Variants in SEC63 observed in about 807,000 individuals in gnomAD.
The protein encoded by SEC63 is translocation protein SEC63 homolog.
In SEC63, 56 loss-of-function variants were observed where a neutral mutation model predicts 116.2. The observed-to-expected ratio is 0.48, with a 90% CI of 0.39 to 0.60. SEC63 has a LOEUF of 0.60. Ranked by LOEUF, SEC63 falls within the 20% of genes least tolerant of loss-of-function variation. The pLI, the probability that SEC63 is intolerant of heterozygous loss-of-function variation, is 0.00. For synonymous variants in SEC63, 273 were observed against 294.6 expected (o/e 0.93, Z 0.75); for missense variants, 668 against 900.0 (o/e 0.74, Z 3.30).
At chr6:107,911,274 G>T in intron 7 of SEC63, 72 bp downstream of exon 7, 1 of 1,000,642 alleles carries the variant, frequency 1.0e-6, no homozygotes, top group Non-Finnish European at 1.6e-6. Context: ...CATTTAAAAT[G>T]TTATAGGGAG....
At chr6:107,931,261 G>A (rs549126194) in intron 1 of SEC63, among the ~76,000 whole-genome samples, 1 of 151,436 alleles carries the variant, frequency 6.6e-6, no homozygotes, top group South Asian at 2.1e-4. Flanking sequence ...AGAATCAGTT[G>A]AACCTGGGAG....
chr6:107,909,283 T>C, intron 7 of SEC63: 2 of 401,452 alleles, frequency 5.0e-6, no homozygotes, highest in East Asian at 5.6e-5. Flanking sequence ...GAAGCTGAGG[T>C]GGGAAGATTG....
chr6:107,939,847 GAA>G (rs1770336959), intron 1 of SEC63, among the ~76,000 whole-genome samples: 1 of 152,132 alleles, frequency 6.6e-6, no homozygotes, highest in African/African-American at 2.4e-5. Flanking sequence ...TAAAAGGCAT[GAA>G]AATAACTTGG....
chr6:107,955,135 T>C (rs925524902), intron 1 of SEC63, among the ~76,000 whole-genome samples: 5 of 152,084 alleles, frequency 3.3e-5, no homozygotes, highest in Admixed American at 3.3e-4. Context: ...TACAGGAAAA[T>C]TACTTACATG....
intron 3 of SEC63, among the ~76,000 whole-genome samples, chr6:107,923,668 G>A (rs1787605963): frequency 6.6e-6 from 1 of 151,528 alleles, no homozygotes. Flanking sequence ...AGGACTATAG[G>A]TGTGTTGCTA....
chr6:107,917,504 A>G (rs1227936630), intron 4 of SEC63, among the ~76,000 whole-genome samples: 2 of 152,178 alleles, frequency 1.3e-5, no homozygotes, highest in Non-Finnish European at 2.9e-5. Context: ...AAAAGCTAGA[A>G]ATGACTAAGC....
chr6:107,888,024 C>T (rs1416282318), intron 16 of SEC63, among the ~76,000 whole-genome samples: 3 of 152,104 alleles, frequency 2.0e-5, no homozygotes, highest in African/African-American at 7.2e-5. Context: ...AGTCAGGTAG[C>T]GTGATGCCTC....
chr6:107,906,246 A>T (rs1423015192), intron 10 of SEC63, among the ~76,000 whole-genome samples: 5 of 152,226 alleles, frequency 3.3e-5, no homozygotes, highest in African/African-American at 9.6e-5. Flanking sequence ...CATGAATAAA[A>T]GTTTCCTGAG....
chr6:107,905,592 G>A (rs1013468989), intron 10 of SEC63, among the ~76,000 whole-genome samples: 6 of 152,096 alleles, frequency 3.9e-5, no homozygotes, highest in Non-Finnish European at 7.4e-5. Context: ...TTTCTTTTAA[G>A]CAGAATACAT....
At chr6:107,929,324 C>T in intron 2 of SEC63, 91 bp downstream of exon 2, 1 of 720,052 alleles carries the variant, frequency 1.4e-6, no homozygotes, top group East Asian at 2.5e-5. Flanking sequence ...TTTACAGACA[C>T]AATGACTTAT....
chr6:107,878,124 T>C (rs1210367774), intron 18 of SEC63, among the ~76,000 whole-genome samples: 4 of 152,318 alleles, frequency 2.6e-5, no homozygotes, highest in African/African-American at 9.6e-5. Context: ...AAACTTTATT[T>C]ACAATAAAGC....
chr6:107,878,870 A>G (rs977901856), intron 18 of SEC63, among the ~76,000 whole-genome samples: 1 of 152,138 alleles, frequency 6.6e-6, no homozygotes, highest in African/African-American at 2.4e-5. Context: ...AAAAAAAAGA[A>G]TATTTATTAA....
chr6:107,893,829 A>G lies in SEC63; in HGVS notation c.1500+9T>C, dbSNP rs766014742. 2 of 1,614,104 alleles carry G rather than the reference A, an allele frequency of 1.2e-6. No individual in the cohort carries two copies. The highest frequency in any genetic ancestry group is 8.5e-7 in the Non-Finnish European group (1 of 1,179,984). On this transcript the variant is annotated intron_variant, in intron 15 of 20. Coordinates refer to ENST00000369002, the MANE Select transcript of SEC63 (RefSeq NM_007214.5). Reference sequence around the variant, plus strand: ...TAGGAAAAATAGGTTCGGAAACCCAAGTTTTTACCCCATCTTCTGCTGGCT... The same window carrying G: ...TAGGAAAAATAGGTTCGGAAACCCAGGTTTTTACCCCATCTTCTGCTGGCT...
intron 19 of SEC63, among the ~76,000 whole-genome samples, chr6:107,874,395 C>T (rs915709403): frequency 1.3e-5 from 2 of 151,966 alleles, no homozygotes; most frequent in East Asian, 1.9e-4. Context: ...GAGATTGAGA[C>T]CATCATGGCT....
At chr6:107,918,137 C>T (rs1213578628) in intron 4 of SEC63, among the ~76,000 whole-genome samples, 1 of 151,994 alleles carries the variant, frequency 6.6e-6, no homozygotes, top group Non-Finnish European at 1.5e-5. Context: ...AAGATCTATG[C>T]TAAATCTATT....
chr6:107,883,166 A>G lies in SEC63; in HGVS notation c.1675-20T>C. On this transcript the variant is annotated intron_variant, in intron 16 of 20. Transcript: ENST00000369002. Reference sequence around the variant, plus strand: ...AGCTTCCTAAAAGGGAAAGGCAAACACAAAGATTCTGCATATCTCAATGAG... The same window carrying G: ...AGCTTCCTAAAAGGGAAAGGCAAACGCAAAGATTCTGCATATCTCAATGAG... 1 of 1,610,298 alleles carries G rather than the reference A, an allele frequency of 6.2e-7. No homozygotes were observed. The highest frequency in any genetic ancestry group is 8.5e-7 in the Non-Finnish European group (1 of 1,179,532).
chr6:107,885,238 C>A (rs1230802531), intron 16 of SEC63, among the ~76,000 whole-genome samples: 4 of 152,146 alleles, frequency 2.6e-5, no homozygotes, highest in Non-Finnish European at 5.9e-5. Flanking sequence ...TGTCTTTATT[C>A]ACAGATGGCA....
At chr6:107,916,542 C>T (rs1017748805) in intron 4 of SEC63, among the ~76,000 whole-genome samples, 17 of 152,236 alleles carry the variant, frequency 1.1e-4, no homozygotes, top group African/African-American at 4.1e-4. Flanking sequence ...CTATTGCAAG[C>T]AAACTTCTTA....
chr6:107,956,476 A>G (rs1156553019), intron 1 of SEC63, among the ~76,000 whole-genome samples: 2 of 152,184 alleles, frequency 1.3e-5, no homozygotes, highest in East Asian at 1.9e-4. Flanking sequence ...CTTTTTCAAC[A>G]TCGAGGAAGA....
Sources: gnomAD v4.1 joint callset for allele counts (sites outside exome capture counted in the v4.1 genomes callset) on GRCh38, gnomAD v4.1.1 for gene constraint, MANE v1.5 for transcripts, NCBI Gene and HGNC (gene_info 2026-07-23, HGNC 2026-07-21) for gene names.